The following NKD1 variants were observed in gnomAD, a reference collection of about 807,000 sequenced individuals.
The protein encoded by NKD1 is NKD inhibitor of Wnt signaling pathway 1.
A neutral mutation model predicts 56.0 loss-of-function variants in NKD1; 21 were observed. The ratio of observed to expected loss-of-function variants is 0.38; its 90% confidence interval spans 0.27 to 0.54. The LOEUF (loss-of-function observed/expected upper bound fraction) is 0.54, where lower values mean the gene tolerates loss of function less well. Among genes scored for constraint, NKD1 ranks in the 20% least tolerant of loss-of-function variants. The probability of loss-of-function intolerance (pLI) is 0.82; values close to 1 mark genes in which losing one functional copy is unlikely to be tolerated. For synonymous variants in NKD1, 263 were observed against 265.7 expected, an observed-to-expected ratio of 0.99 and a Z score of 0.10; for missense variants, 578 against 642.7, an observed-to-expected ratio of 0.90 and a Z score of 1.09.
intron 3 of NKD1, among the ~76,000 whole-genome samples, chr16:50,587,207 G>A (rs1260694840): frequency 6.6e-6 from 1 of 152,198 alleles, no homozygotes; most frequent in African/African-American, 2.4e-5. Flanking sequence ...ATTGTGTGGG[G>A]ATGATGCAAA....
chr16:50,548,475 G>A lies in NKD1; in HGVS notation c.-79G>A, dbSNP rs1960283998. 8.4e-7 allele frequency: 1 copy of A among 1,193,676 alleles called. No homozygotes were observed. The highest frequency in any genetic ancestry group is 1.1e-6 in the Non-Finnish European group (1 of 907,212). The allele number at this position is 1,193,676 out of a possible 1,614,324, so 73.9% of individuals were successfully genotyped here. ...GCTCGGCTCGGGGGCTGCTTCGGGA[G>A]GAGGAGAGCCAAGGGAGGCGCCAGG... On this transcript the variant is annotated 5_prime_UTR_variant, in exon 1 of 10. Transcript: ENST00000268459.
intron 3 of NKD1, 51 bp downstream of exon 3, chr16:50,549,606 G>T: frequency 6.7e-7 from 1 of 1,500,642 alleles, no homozygotes. Context: ...CAGCCTCAGA[G>T]ATGGGTCCCC....
intron 3 of NKD1, chr16:50,606,455 G>A (rs1961711987): frequency 1.5e-4 from 47 of 310,156 alleles, no homozygotes; most frequent in South Asian, 1.3e-3. Context: ...CTGTTGAGTG[G>A]TGAGAGGCCT....
chr16:50,606,739 G>A (rs780015544), intron 3 of NKD1: 152 of 449,354 alleles, frequency 3.4e-4, no homozygotes, highest in Non-Finnish European at 6.0e-4. Flanking sequence ...GCAGAGCCCC[G>A]CTCTGCAGAA....
chr16:50,600,252 C>T (rs1330535873), intron 3 of NKD1, among the ~76,000 whole-genome samples: 1 of 151,902 alleles, frequency 6.6e-6, no homozygotes, highest in African/African-American at 2.4e-5. Context: ...AACAAACAAA[C>T]AAACAAACAA....
intron 3 of NKD1, among the ~76,000 whole-genome samples, chr16:50,589,668 G>T (rs139906946): frequency 6.6e-6 from 1 of 151,542 alleles, no homozygotes; most frequent in African/African-American, 2.4e-5. Context: ...TCATGTTGGA[G>T]GCCTTTGCTG....
chr16:50,551,510 T>C (rs895650342), intron 3 of NKD1, among the ~76,000 whole-genome samples: 6 of 152,266 alleles, frequency 3.9e-5, no homozygotes, highest in Non-Finnish European at 8.8e-5. Context: ...GGCCGGCCTC[T>C]GTCTCCTTGG....
intron 4 of NKD1, 132 bp downstream of exon 4, chr16:50,608,492 G>C (rs558323139): frequency 1.4e-5 from 10 of 713,490 alleles, no homozygotes; most frequent in East Asian, 5.2e-5. Flanking sequence ...GACTCTGGGT[G>C]GGGGTGGACT....
In NKD1 at chr16:50,624,737, G is replaced by T. The variant is rs143946111; in HGVS notation, c.367-748G>T. On this transcript the variant is annotated intron_variant, in intron 5 of 9. Coordinates refer to ENST00000268459, the MANE Select transcript of NKD1 (RefSeq NM_033119.5). ...AGCATGCGCTCAGATTTGTCCCAGG[G>T]AGGGGTGAGGAGGCCTGGCGTTTCC... Among the ~76,000 whole-genome samples, 8 of 152,344 alleles carry T rather than the reference G, an allele frequency of 5.3e-5. No individual in the cohort carries two copies. In the South Asian group the frequency reaches 1.4e-3, roughly 28 times the overall value.
In NKD1 at chr16:50,633,547, C is replaced by G. The variant is rs549963482; in HGVS notation, c.1179C>G (p.Ser393=). Reference sequence around the variant, plus strand: ...CTGCCAGCCCGGCCCTCCTCCCCTCCCTAGCCCCCCTCGGGCACAAGAAGC... The same window carrying G: ...CTGCCAGCCCGGCCCTCCTCCCCTCGCTAGCCCCCCTCGGGCACAAGAAGC... ...HLAASPALLP[S]LAPLGHKKHK... The change falls in exon 10 of 10, where the codon TCC becomes TCG. Residue 393 remains serine, a synonymous_variant. Transcript: ENST00000268459. This position sits in a 1 kb window ranked among gnomAD's most constrained non-coding sequence, Gnocchi z 4.9. The G allele has an allele frequency of 3.1e-6, 5 of 1,611,282 alleles. No homozygotes were observed. The highest frequency in any genetic ancestry group is 4.2e-6 in the Non-Finnish European group (5 of 1,179,338).
intron 3 of NKD1, among the ~76,000 whole-genome samples, chr16:50,594,064 A>C (rs1223291831): frequency 6.6e-6 from 1 of 150,644 alleles, no homozygotes; most frequent in Non-Finnish European, 1.5e-5. Context: ...TGGCTGAATG[A>C]GAGAGGTTCC....
chr16:50,582,216 C>G (rs970721807), intron 3 of NKD1, among the ~76,000 whole-genome samples: 3 of 152,124 alleles, frequency 2.0e-5, no homozygotes, highest in Admixed American at 2.0e-4. Context: ...GAGCTGTTTG[C>G]TAATTATGCC....
intron 3 of NKD1, among the ~76,000 whole-genome samples, chr16:50,564,962 C>G (rs1393487830): frequency 6.6e-6 from 1 of 152,212 alleles, no homozygotes; most frequent in Non-Finnish European, 1.5e-5. Flanking sequence ...TCTAGCCATG[C>G]TCTGTTTGTG....
At chr16:50,548,972 C>A in intron 2 of NKD1, 1 of 963,256 alleles carries the variant, frequency 1.0e-6, no homozygotes, top group Non-Finnish European at 1.2e-6. Context: ...CCCTCAACCC[C>A]TCCCCCTCCC....
At chr16:50,577,333 T>C (rs1292242769) in intron 3 of NKD1, among the ~76,000 whole-genome samples, 18 of 152,172 alleles carry the variant, frequency 1.2e-4, no homozygotes, top group Non-Finnish European at 8.8e-5. Context: ...AAAAATCACT[T>C]TATTGAGATA....
intron 3 of NKD1, among the ~76,000 whole-genome samples, chr16:50,568,090 G>A (rs964500279): frequency 1.3e-5 from 2 of 152,228 alleles, no homozygotes; most frequent in South Asian, 2.1e-4. Flanking sequence ...CAGAAAGCCC[G>A]CTTCTTGGAT....
At chr16:50,609,691 G>A (rs1567348123) in intron 4 of NKD1, among the ~76,000 whole-genome samples, 1 of 152,208 alleles carries the variant, frequency 6.6e-6, no homozygotes, top group Non-Finnish European at 1.5e-5. Context: ...TCCCCAGGTG[G>A]CTTGCATGAA....
At chr16:50,551,034 T>C (rs1432870074) in intron 3 of NKD1, among the ~76,000 whole-genome samples, 2 of 152,220 alleles carry the variant, frequency 1.3e-5, no homozygotes, top group Admixed American at 6.5e-5. Flanking sequence ...AGCGAGGGCT[T>C]ACTTCAATTG....
At chr16:50,548,631 C>T in intron 1 of NKD1, 53 bp downstream of exon 1, 2 of 1,445,890 alleles carry the variant, frequency 1.4e-6, no homozygotes, top group Non-Finnish European at 1.8e-6. Context: ...GTCGCCGCCG[C>T]GGTCGCTAAC....
Sources: allele counts gnomAD v4.1 joint callset (sites outside exome capture counted in the v4.1 genomes callset), GRCh38; gene constraint gnomAD v4.1.1; non-coding constraint Gnocchi (gnomAD v3.1); transcripts MANE v1.5; gene names NCBI Gene and HGNC (gene_info 2026-07-23, HGNC 2026-07-21).